The following DMD variants were observed in gnomAD, a reference collection of about 807,000 sequenced individuals.
DMD encodes the protein mutant dystrophin.
In DMD, 63 loss-of-function variants were observed where a neutral mutation model predicts 330.1. The ratio of observed to expected loss-of-function variants is 0.19; its 90% CI spans 0.16 to 0.24. The LOEUF (loss-of-function observed/expected upper bound fraction) is 0.24, where lower values mean the gene tolerates loss of function less well. DMD is among the 10% of genes least tolerant of loss of function. The pLI is 1.00. For missense variants in DMD, 3,344 were observed against 2,684.1 expected, an observed-to-expected ratio of 1.25 and a Z score of -5.43; for synonymous variants, 1,223 against 959.8, an observed-to-expected ratio of 1.27 and a Z score of -5.07.
rs768924034 is a variant in DMD at position 32,579,128 on chromosome X, G to C, written c.1603-5282C>G. ...TAGTGTTTAGCCAAGGGTATGGCTT[G>C]GTTCTCAGTTTTACACATTTCTACA... On this transcript the variant is annotated intron_variant, in intron 13 of 78. Transcript: ENST00000357033. Among the ~76,000 whole-genome samples the C allele has an allele frequency of 4.0e-3, 442 of 111,295 alleles. 5 individuals are homozygous for C. The highest frequency in any genetic ancestry group is 0.036 in the Admixed American group (378 of 10,432).
chrX:32,237,568 C>A (rs2097192517), intron 43 of DMD, among the ~76,000 whole-genome samples: 1 of 111,317 alleles, frequency 9.0e-6, no homozygotes, highest in Non-Finnish European at 1.9e-5. Flanking sequence ...TTTCCTAATT[C>A]TCTTACCTCT....
At chrX:33,072,368 C>T (rs1194766694) in intron 1 of DMD, among the ~76,000 whole-genome samples, 2 of 111,522 alleles carry the variant, frequency 1.8e-5, no homozygotes, top group African/African-American at 6.5e-5. Context: ...CAGTGAGCCA[C>T]GATCGCACCA....
chrX:32,172,845 G>A (rs2096892670), intron 44 of DMD, among the ~76,000 whole-genome samples: 1 of 111,564 alleles, frequency 9.0e-6, no homozygotes, highest in African/African-American at 3.3e-5. Flanking sequence ...AGTTTGCACT[G>A]AGAAATGAGA....
chrX:31,262,358 C>T (rs2050608461), intron 62 of DMD, among the ~76,000 whole-genome samples: 1 of 112,016 alleles, frequency 8.9e-6, no homozygotes, highest in African/African-American at 3.3e-5. Context: ...CAACACACTA[C>T]ATGTTATCAC....
At chrX:33,279,901 T>C (rs2053296640) in intron 1 of DMD, among the ~76,000 whole-genome samples, 1 of 111,448 alleles carries the variant, frequency 9.0e-6, no homozygotes, top group Admixed American at 9.5e-5. Context: ...ATTTTCTTAT[T>C]GGATTTTTAA....
chrX:31,153,326 T>C (rs2037684880), intron 74 of DMD, among the ~76,000 whole-genome samples: 1 of 112,266 alleles, frequency 8.9e-6, no homozygotes, highest in Non-Finnish European at 1.9e-5. Flanking sequence ...TGTAAGTGTG[T>C]ATGTGTCTCT....
At chrX:33,178,125 A>G (rs2049774065) in intron 1 of DMD, among the ~76,000 whole-genome samples, 1 of 112,285 alleles carries the variant, frequency 8.9e-6, no homozygotes, top group African/African-American at 3.2e-5. Flanking sequence ...TTATAAAAGA[A>G]GGAATTAGAC....
chrX:32,582,461 C>T (rs2053749213), intron 13 of DMD, among the ~76,000 whole-genome samples: 1 of 111,438 alleles, frequency 9.0e-6, no homozygotes, highest in African/African-American at 3.3e-5. Flanking sequence ...ACTTTAAAAA[C>T]TATAAAACAT....
intron 54 of DMD, among the ~76,000 whole-genome samples, chrX:31,644,086 G>T (rs2148523780): frequency 9.0e-6 from 1 of 111,534 alleles, no homozygotes; most frequent in African/African-American, 3.3e-5. Context: ...AGCTCTGCCA[G>T]GTAACCCATT....
In DMD at chrX:31,120,403, G is replaced by C. The variant is rs1316100919; in HGVS notation, c.*1516C>G. ...GAACTACTCGCAGAGAAATGCAAAG[G>C]ATGGAAACACAGTTCATGGGCTTCT... On this transcript the variant is annotated 3_prime_UTR_variant, in exon 79 of 79. Transcript: ENST00000357033. 1.8e-5 allele frequency: 2 copies of C among 111,815 alleles called. No individual in the cohort carries two copies. Among genetic ancestry groups the C allele is most frequent in the Non-Finnish European group, 3.8e-5 (2 of 53,082 alleles). The allele number at this position is 111,815 out of a possible 1,213,427, so 9.2% of individuals were successfully genotyped here. A position where few individuals can be genotyped will look rare whatever the true frequency, so the allele number is the denominator to read the frequency against.
In DMD at chrX:33,248,616, C is replaced by T. The variant is rs181577617; in HGVS notation, c.7+90643G>A. Among the ~76,000 whole-genome samples, 218 of 111,636 alleles carry T rather than the reference C, an allele frequency of 2.0e-3. 1 individual carries two copies. Among genetic ancestry groups the T allele is most frequent in the Admixed American group, 5.1e-3 (53 of 10,470 alleles). The stretch of plus-strand genomic sequence containing the variant: ...TCATGAATGTAGTTATTAAAAAATA[C>T]TCTCCATCTTTCACAGGAATAAATG... On this transcript the variant is annotated intron_variant, in intron 1 of 17. Transcript: ENST00000288447.
In DMD at chrX:32,637,210, T is replaced by C. The variant is rs182693904; in HGVS notation, c.1331+6922A>G. On this transcript the variant is annotated intron_variant, in intron 11 of 78. Coordinates refer to ENST00000357033, the MANE Select transcript of DMD (RefSeq NM_004006.3). ...TAATGTTGACACTCTGAAATTCTAT[T>C]CATTTATGTGGAAATAGAAGCTCAC... 1.3e-3 allele frequency among the ~76,000 whole-genome samples: 149 copies of C among 111,763 alleles called. 3 individuals carry two copies. Among genetic ancestry groups the C allele is most frequent in the African/African-American group, 4.7e-3 (145 of 30,777 alleles).
intron 44 of DMD, 115 bp downstream of exon 44, chrX:32,216,801 C>T (rs1193234451): frequency 1.5e-6 from 1 of 658,167 alleles, no homozygotes. Context: ...ATAATGATGA[C>T]AACAACAGTC....
intron 55 of DMD, among the ~76,000 whole-genome samples, chrX:31,566,944 T>A (rs747879613): frequency 2.6e-4 from 29 of 111,740 alleles, no homozygotes; most frequent in African/African-American, 8.4e-4. Flanking sequence ...GCTTGCCTTA[T>A]GATTTTTTGA....
At chrX:31,568,083 T>G (rs773851270) in intron 55 of DMD, among the ~76,000 whole-genome samples, 90 of 111,436 alleles carry the variant, frequency 8.1e-4, no homozygotes, top group Non-Finnish European at 1.3e-3. Flanking sequence ...TGTTTTGAGG[T>G]TTTTCTTTTG....
intron 34 of DMD, among the ~76,000 whole-genome samples, chrX:32,376,196 G>T (rs1185415636): frequency 1.8e-5 from 2 of 111,662 alleles, no homozygotes; most frequent in African/African-American, 6.5e-5. Context: ...CAGGAGAACT[G>T]CTTGAACCCA....
intron 44 of DMD, among the ~76,000 whole-genome samples, chrX:32,055,993 T>G (rs183026534): frequency 3.3e-4 from 37 of 111,539 alleles, no homozygotes; most frequent in African/African-American, 1.1e-3. Flanking sequence ...AACATGAATG[T>G]CCTTACCTCT....
chrX:31,731,090 A>G (rs1336213452), intron 51 of DMD, among the ~76,000 whole-genome samples: 2 of 111,951 alleles, frequency 1.8e-5, no homozygotes, highest in Admixed American at 1.9e-4. Context: ...CAAACATTGT[A>G]CATCTACTTT....
At chrX:32,423,227 C>CTT (rs61191281) in intron 29 of DMD, among the ~76,000 whole-genome samples, 12 of 92,422 alleles carry the variant, frequency 1.3e-4, no homozygotes, top group African/African-American at 4.7e-4. Context: ...CTTTATTATT[C>CTT]TTTTTTTTTT....
Sources: allele counts gnomAD v4.1 joint callset (sites outside exome capture counted in the v4.1 genomes callset), GRCh38; gene constraint gnomAD v4.1.1; transcripts MANE v1.5; gene names NCBI Gene and HGNC (gene_info 2026-07-23, HGNC 2026-07-21).